PIP4K2C: variants seen among roughly 807,000 people sequenced by gnomAD.
PIP4K2C encodes the protein phosphatidylinositol 5-phosphate 4-kinase type-2 gamma.
A neutral mutation model predicts 45.0 loss-of-function variants in PIP4K2C; 21 were observed. The ratio of observed to expected loss-of-function variants is 0.47; its 90% CI spans 0.33 to 0.67. The LOEUF (loss-of-function observed/expected upper bound fraction) is 0.67, where lower values mean the gene tolerates loss of function less well. Ranked by LOEUF, PIP4K2C falls within the 30% of genes least tolerant of loss-of-function variation. The pLI, the probability that PIP4K2C is intolerant of heterozygous loss-of-function variation, is 0.02. For synonymous variants in PIP4K2C, 201 were observed against 204.8 expected (o/e 0.98, Z 0.16); for missense variants, 456 against 542.8 (o/e 0.84, Z 1.59).
rs1207085607 is a variant in PIP4K2C at position 57,591,277 on chromosome 12, T to G, written c.-13T>G. The G allele has an allele frequency of 4.4e-6, 7 of 1,595,144 alleles. No individual in the cohort carries two copies. The highest frequency in any genetic ancestry group is 6.0e-6 in the Non-Finnish European group (7 of 1,167,604). On this transcript the variant is annotated 5_prime_UTR_variant, in exon 1 of 10. Coordinates refer to ENST00000354947, the MANE Select transcript of PIP4K2C (RefSeq NM_024779.5). ...CGGCTCCGGCTTCCACTTGGTCGGT[T>G]GCGCGGGAGACTATGGCGTCCTCCT... is the stretch of plus-strand genomic sequence containing the variant.
In PIP4K2C at chr12:57,602,073, G is replaced by T. The variant is rs1883465434; in HGVS notation, c.*467G>T. The T allele has an allele frequency of 5.5e-6, 1 of 182,168 alleles. No homozygotes were observed. Among genetic ancestry groups the T allele is most frequent in the African/African-American group, 2.4e-5 (1 of 42,312 alleles). 11.3% of individuals were successfully genotyped at this position (182,168 alleles called of 1,614,324 possible). On this transcript the variant is annotated 3_prime_UTR_variant, in exon 10 of 10. Coordinates refer to ENST00000354947, the MANE Select transcript of PIP4K2C (RefSeq NM_024779.5). ...TGATAACTTTATAAAACTCACTATGGCATGCTTCCCTCCTGGTGGGCCCTA... is the reference window on the plus strand; with the variant it reads ...TGATAACTTTATAAAACTCACTATGTCATGCTTCCCTCCTGGTGGGCCCTA...
chr12:57,594,530 C>T (rs1198217667), intron 2 of PIP4K2C, among the ~76,000 whole-genome samples: 1 of 152,180 alleles, frequency 6.6e-6, no homozygotes, highest in Non-Finnish European at 1.5e-5. Flanking sequence ...TTCTGACTTG[C>T]TTGAGATTTG....
intron 5 of PIP4K2C, 40 bp from the exon 6 acceptor site, chr12:57,599,360 T>C: frequency 1.2e-6 from 2 of 1,613,880 alleles, no homozygotes; most frequent in Non-Finnish European, 1.7e-6. Context: ...ACTGTTCTTT[T>C]AGCCACTTCT....
In PIP4K2C at chr12:57,595,929, T is replaced by A; in HGVS notation, c.411T>A (p.Ser137Arg). The change falls in exon 4 of 10, where the codon AGT (serine) becomes AGA (arginine). Residue 137 changes from serine to arginine, a missense_variant. This residue lies in a region of PIP4K2C where 421 missense variants were observed against 473.1 expected (regional missense o/e 0.89). Coordinates refer to ENST00000354947, the MANE Select transcript of PIP4K2C (RefSeq NM_024779.5). Reference protein sequence around the residue: ...TRNPPSESEGSDGRFLISYDR... With the variant: ...TRNPPSESEGRDGRFLISYDR... Reference sequence around the variant, plus strand: ...ACCCCCCCAGCGAAAGTGAAGGCAGTGATGGTCGCTTCCTTATCTCCTACG... The same window carrying A: ...ACCCCCCCAGCGAAAGTGAAGGCAGAGATGGTCGCTTCCTTATCTCCTACG... 1 of 1,614,024 alleles carries A rather than the reference T, an allele frequency of 6.2e-7. No homozygotes were observed. Among genetic ancestry groups the A allele is most frequent in the Non-Finnish European group, 8.5e-7 (1 of 1,179,940 alleles).
At position 57,603,156 on chromosome 12, in the gene PIP4K2C, A is replaced by G. The variant is rs1883519317; in HGVS notation, c.*1550A>G. On this transcript the variant is annotated 3_prime_UTR_variant, in exon 10 of 10. Transcript: ENST00000354947. ...CAGTTAGGGGTTGGAGCCCCCATAT[A>G]ACATCTTCCTGTCAGAAGACTGATG... The G allele has an allele frequency of 6.6e-6, 1 of 152,562 alleles. No homozygotes were observed. Among genetic ancestry groups the G allele is most frequent in the South Asian group, 2.1e-4 (1 of 4,826 alleles). 9.5% of individuals were successfully genotyped at this position (152,562 alleles called of 1,614,324 possible). A position where few individuals can be genotyped will look rare whatever the true frequency, so the allele number is the denominator to read the frequency against.
chr12:57,594,279 A>G (rs1364726531), intron 2 of PIP4K2C, among the ~76,000 whole-genome samples, 157 bp downstream of exon 2: 7 of 152,210 alleles, frequency 4.6e-5, no homozygotes, highest in African/African-American at 7.2e-5. Flanking sequence ...GGTGTTCCCT[A>G]TATCCTTATA....
chr12:57,597,337 C>CT (rs1883234513), intron 4 of PIP4K2C, among the ~76,000 whole-genome samples: 1 of 152,056 alleles, frequency 6.6e-6, no homozygotes, highest in African/African-American at 2.4e-5. Flanking sequence ...TATGGGAGAA[C>CT]TGAGAGTTAA....
Position 57,591,228 on chromosome 12 carries a change from G to T in PIP4K2C, c.-62G>T. ...AGCAGCGCAGGTGAGCGCCGCTTCC[G>T]GGGTCGGGCGCCTGGATAGCTGCCG... On this transcript the variant is annotated 5_prime_UTR_variant, in exon 1 of 10. Coordinates refer to ENST00000354947, the MANE Select transcript of PIP4K2C (RefSeq NM_024779.5). 2 of 1,512,964 alleles carry T rather than the reference G, an allele frequency of 1.3e-6. No homozygotes were observed. The highest frequency in any genetic ancestry group is 1.4e-5 in the African/African-American group (1 of 71,700). The allele number at this position is 1,512,964 out of a possible 1,614,324, so 93.7% of individuals were successfully genotyped here.
intron 4 of PIP4K2C, among the ~76,000 whole-genome samples, chr12:57,596,872 G>A (rs1317896348): frequency 6.6e-6 from 1 of 152,212 alleles, no homozygotes; most frequent in Non-Finnish European, 1.5e-5. Context: ...AATGCACCTG[G>A]GAGGCTAAAG....
At position 57,599,119 on chromosome 12, in the gene PIP4K2C, C is replaced by A. The variant is rs141529759; in HGVS notation, c.568C>A (p.Arg190=). The part of the protein sequence containing the change: ...TLLPQFLGMY[R]VSVDNEDSYM... ...TCTGCCCCAGTTCCTGGGGATGTACCGAGTCAGTGTGGACAACGAAGACAG... is the reference window on the plus strand; with the variant it reads ...TCTGCCCCAGTTCCTGGGGATGTACAGAGTCAGTGTGGACAACGAAGACAG... Residue 190 remains arginine, a synonymous_variant, in exon 5 of 10, where the codon CGA becomes AGA. Coordinates refer to ENST00000354947, the MANE Select transcript of PIP4K2C (RefSeq NM_024779.5). 1 of 1,613,976 alleles carries A rather than the reference C, an allele frequency of 6.2e-7. No homozygotes were observed. The highest frequency in any genetic ancestry group is 8.5e-7 in the Non-Finnish European group (1 of 1,179,964).
chr12:57,598,019 G>T (rs1005381547), intron 4 of PIP4K2C: 2 of 152,176 alleles, frequency 1.3e-5, no homozygotes, highest in African/African-American at 4.8e-5. Flanking sequence ...TCCTGAGAAG[G>T]TTGGCTGTGA....
At position 57,601,669 on chromosome 12, in the gene PIP4K2C, T is replaced by G. The variant is rs575067794; in HGVS notation, c.*63T>G. On this transcript the variant is annotated 3_prime_UTR_variant, in exon 10 of 10. Coordinates refer to ENST00000354947, the MANE Select transcript of PIP4K2C (RefSeq NM_024779.5). ...GGTTCTGAGACACTTGGGGGAATTG[T>G]GGGGATATTCTAGCCACCAGTTCTC... The G allele has an allele frequency of 9.2e-6, 13 of 1,407,688 alleles. No individual in the cohort carries two copies. The South Asian group carries it at 1.4e-4, about 15-fold the overall frequency. 87.2% of individuals were successfully genotyped at this position (1,407,688 alleles called of 1,614,324 possible). A position where few individuals can be genotyped will look rare whatever the true frequency, so the allele number is the denominator to read the frequency against.
intron 5 of PIP4K2C, 51 bp downstream of exon 5, chr12:57,599,262 A>G: frequency 6.2e-7 from 1 of 1,609,624 alleles, no homozygotes. Context: ...TAGCCTGAGA[A>G]TGGGGAAGAC....
rs145883345 is a variant in PIP4K2C at position 57,600,901 on chromosome 12, G to T, written c.904G>T (p.Val302Leu). Residue 302 changes from valine to leucine, a missense_variant, in exon 8 of 10, where the codon GTG (valine) becomes TTG (leucine). Around this residue, in one of 2 missense-constraint regions of PIP4K2C, gnomAD observed 421 missense variants for 473.1 expected, o/e 0.89. Transcript: ENST00000354947. ...CTCTGAACCAGAGGAGGAAGCGCCC[G>T]TGCGGGAGGATGAGTCAGAGGTGGA... Reference protein sequence around the residue: ...RGSEPEEEAPVREDESEVDGD... With the variant: ...RGSEPEEEAPLREDESEVDGD... 5 of 1,614,104 alleles carry T rather than the reference G, an allele frequency of 3.1e-6. No individual in the cohort carries two copies. In the African/African-American group the frequency reaches 6.7e-5, roughly 22 times the overall value.
Position 57,591,212 on chromosome 12 carries a change from G to C in PIP4K2C, c.-78G>C, listed in dbSNP as rs888410096. The C allele has an allele frequency of 3.5e-5, 51 of 1,449,420 alleles. No individual in the cohort carries two copies. The highest frequency in any genetic ancestry group is 3.9e-5 in the Non-Finnish European group (42 of 1,065,558). The allele number at this position is 1,449,420 out of a possible 1,614,324, so 89.8% of individuals were successfully genotyped here. On this transcript the variant is annotated 5_prime_UTR_variant, in exon 1 of 10. Coordinates refer to ENST00000354947, the MANE Select transcript of PIP4K2C (RefSeq NM_024779.5). ...CCTCCGGTCACGTGACAGCAGCGCA[G>C]GTGAGCGCCGCTTCCGGGGTCGGGC... is the stretch of plus-strand genomic sequence containing the variant.
chr12:57,595,795 G>T, intron 3 of PIP4K2C, 93 bp from the exon 4 acceptor site: 1 of 1,369,562 alleles, frequency 7.3e-7, no homozygotes, highest in Non-Finnish European at 1.0e-6. Context: ...CCTACCCCAG[G>T]GATTCATCCA....
rs1296395235 is a variant in PIP4K2C at position 57,603,095 on chromosome 12, A to G, written c.*1489A>G. 6.6e-6 allele frequency: 1 copy of G among 152,436 alleles called. No homozygotes were observed. The highest frequency in any genetic ancestry group is 1.5e-5 in the Non-Finnish European group (1 of 68,032). The allele number at this position is 152,436 out of a possible 1,614,324, so 9.4% of individuals were successfully genotyped here. ...TAGGGAGAAGCTCCCTCTCCCCTTC[A>G]TCTTCTGCTCCAAAGGTGGTAGCAA... On this transcript the variant is annotated 3_prime_UTR_variant, in exon 10 of 10. Transcript: ENST00000354947.
intron 7 of PIP4K2C, 131 bp from the exon 8 acceptor site, chr12:57,600,680 A>G (rs1594943131): frequency 2.6e-6 from 3 of 1,155,554 alleles, no homozygotes; most frequent in Non-Finnish European, 3.7e-6. Flanking sequence ...AGGCAGTGGT[A>G]TGCCCTGCAA....
chr12:57,600,375 A>G lies in PIP4K2C; in HGVS notation c.751A>G (p.Lys251Glu), dbSNP rs1347001735. The G allele has an allele frequency of 6.2e-7, 1 of 1,611,510 alleles. No individual in the cohort carries two copies. The highest frequency in any genetic ancestry group is 8.5e-7 in the Non-Finnish European group (1 of 1,177,774). Residue 251 changes from lysine (K) to glutamate (E), a missense_variant, in exon 7 of 10, where the codon AAA (lysine) becomes GAA (glutamate). Around this residue, in one of 2 missense-constraint regions of PIP4K2C, gnomAD observed 421 missense variants for 473.1 expected, o/e 0.89. Coordinates refer to ENST00000354947, the MANE Select transcript of PIP4K2C (RefSeq NM_024779.5). ...TATGGACTTTCTCAACAAGAACCAG[A>G]AAGTATATATTGGTGAAGAGGAGAA... ...KDMDFLNKNQ[K>E]VYIGEEEKKI...
Sources: gnomAD v4.1 joint callset for allele counts (sites outside exome capture counted in the v4.1 genomes callset) on GRCh38, gnomAD v4.1.1 for gene constraint, gnomAD v4.1.1 regional missense constraint, MANE v1.5 for transcripts, NCBI Gene and HGNC (gene_info 2026-07-23, HGNC 2026-07-21) for gene names.